SEC61A1: variants seen among roughly 807,000 people sequenced by gnomAD.
SEC61A1 encodes the protein SEC61 translocon subunit alpha 1, also known as protein transport protein Sec61 subunit alpha isoform 1.
SEC61A1 carries 15 observed loss-of-function variants against 55.2 expected under a neutral mutation model. The observed-to-expected ratio is 0.27, with a 90% CI of 0.18 to 0.42. SEC61A1 has a LOEUF of 0.42. SEC61A1 is among the 10% of genes least tolerant of loss of function. The probability of loss-of-function intolerance (pLI) is 1.00; values close to 1 mark genes in which losing one functional copy is unlikely to be tolerated. For synonymous variants in SEC61A1, 247 were observed against 234.0 expected, an observed-to-expected ratio of 1.06 and a Z score of -0.51; for missense variants, 284 against 602.6, an observed-to-expected ratio of 0.47 and a Z score of 5.53.
At chr3:128,056,118 C>A (rs1212540569) in intron 4 of SEC61A1, among the ~76,000 whole-genome samples, 1 of 152,178 alleles carries the variant, frequency 6.6e-6, no homozygotes, top group Admixed American at 6.5e-5. Context: ...TTTTTCATAT[C>A]TATAGGTTAC....
At chr3:128,068,223 T>G (rs1176403021) in intron 11 of SEC61A1, among the ~76,000 whole-genome samples, 164 bp downstream of exon 11, 1 of 152,252 alleles carries the variant, frequency 6.6e-6, no homozygotes, top group Non-Finnish European at 1.5e-5. Context: ...TGCTAAGTGC[T>G]GGACACTGGA....
chr3:128,067,841 C>A lies in SEC61A1; in HGVS notation c.1168-142C>A. ...TGTAAAGTTAGACTTTTTCATATGACTTCCTTGCGGCAGTTTTAAAGTTCT... is the reference window on the plus strand; with the variant it reads ...TGTAAAGTTAGACTTTTTCATATGAATTCCTTGCGGCAGTTTTAAAGTTCT... On this transcript the variant is annotated intron_variant, in intron 10 of 11. Transcript: ENST00000243253. This position sits in a 1 kb window ranked among gnomAD's most constrained non-coding sequence, Gnocchi z 4.1. The A allele has an allele frequency of 1.3e-6, 1 of 751,808 alleles. No homozygotes were observed. 46.6% of individuals were successfully genotyped at this position (751,808 alleles called of 1,614,324 possible).
intron 6 of SEC61A1, 127 bp downstream of exon 6, chr3:128,060,338 G>C: frequency 9.6e-7 from 1 of 1,039,290 alleles, no homozygotes; most frequent in Non-Finnish European, 1.5e-6. Context: ...AAGACTCTGG[G>C]TTAGCCCTCT....
chr3:128,067,496 T>C lies in SEC61A1; in HGVS notation c.1051T>C (p.Phe351Leu), dbSNP rs774148582. The change falls in exon 10 of 12, where the codon TTT becomes CTT. Residue 351 changes from phenylalanine to leucine, a missense_variant. Transcript: ENST00000243253. This position sits in a 1 kb window ranked among gnomAD's most constrained non-coding sequence, Gnocchi z 4.1. ...CTATTACCTGTCCCCTCCAGAATCT[T>C]TTGGCTCCGTGTTAGAAGACCCGGT... ...LCYYLSPPES[F>L]GSVLEDPVHA... 6.2e-7 allele frequency: 1 copy of C among 1,614,200 alleles called. No individual in the cohort carries two copies. Among genetic ancestry groups the C allele is most frequent in the Admixed American group, 1.7e-5 (1 of 60,020 alleles).
upstream of SEC61A1, chr3:128,052,384 G>A (rs1248785580): frequency 1.7e-6 from 2 of 1,152,856 alleles, no homozygotes; most frequent in East Asian, 3.8e-5. Flanking sequence ...TCCGAGGCCC[G>A]GCCCCGGCCC....
chr3:128,052,967 G>A (rs1559793642), intron 2 of SEC61A1, 65 bp downstream of exon 2: 5 of 1,317,606 alleles, frequency 3.8e-6, no homozygotes, highest in Non-Finnish European at 5.4e-6. Context: ...GAAGTTTACA[G>A]TATGATTAAA....
chr3:128,067,059 T>G lies in SEC61A1; in HGVS notation c.883T>G (p.Ser295Ala). ...GTCCAACATCCCCATCATCCTGCAG[T>G]CTGCCCTGGTGTCCAACCTTTATGT... Reference protein sequence around the residue: ...YTSNIPIILQSALVSNLYVIS... With the variant: ...YTSNIPIILQAALVSNLYVIS... The change falls in exon 9 of 12, where the codon TCT (serine) becomes GCT (alanine). Residue 295 changes from serine to alanine, a missense_variant. By Grantham distance (99) the Ser-to-Ala change is moderately conservative (BLOSUM62 1). Transcript: ENST00000243253. This position sits in a 1 kb window ranked among gnomAD's most constrained non-coding sequence, Gnocchi z 4.1. 6.2e-7 allele frequency: 1 copy of G among 1,614,218 alleles called. No individual in the cohort carries two copies. Among genetic ancestry groups the G allele is most frequent in the Non-Finnish European group, 8.5e-7 (1 of 1,180,024 alleles).
intron 5 of SEC61A1, among the ~76,000 whole-genome samples, chr3:128,059,339 G>C (rs1358396611): frequency 6.6e-6 from 1 of 152,100 alleles, no homozygotes; most frequent in African/African-American, 2.4e-5. Flanking sequence ...TGGCTGTGGT[G>C]GCACGTGCCT....
chr3:128,052,688 C>G (rs1941707084), intron 1 of SEC61A1, 129 bp downstream of exon 1: 1 of 1,521,988 alleles, frequency 6.6e-7, no homozygotes, highest in Non-Finnish European at 8.9e-7. Flanking sequence ...TGCCCCCGGC[C>G]CTTCTCGAGT....
At chr3:128,054,927 G>A (rs1941750323) in intron 2 of SEC61A1, among the ~76,000 whole-genome samples, 2 of 152,198 alleles carry the variant, frequency 1.3e-5, no homozygotes, top group South Asian at 4.1e-4. Flanking sequence ...CTGAGAAGAT[G>A]TGAAAATCCT....
intron 7 of SEC61A1, among the ~76,000 whole-genome samples, chr3:128,064,478 CAAAAATA>C (rs1005165412): frequency 8.6e-5 from 13 of 151,842 alleles, no homozygotes; most frequent in South Asian, 2.1e-4. Flanking sequence ...CCCAACTGTA[CAAAAATA>C]AAAAATAAAA....
upstream of SEC61A1, chr3:128,051,803 G>T (rs932580139): frequency 3.3e-6 from 5 of 1,533,832 alleles, no homozygotes; most frequent in African/African-American, 6.9e-5. Context: ...GCCCTTCTCC[G>T]GCCAAGTCTC....
Position 128,067,489 on chromosome 3 carries a change from A to G in SEC61A1, c.1044A>G (p.Pro348=). ...GCCTTTGCTATTACCTGTCCCCTCC[A>G]GAATCTTTTGGCTCCGTGTTAGAAG... The part of the protein sequence containing the change: ...VGGLCYYLSP[P]ESFGSVLEDP... Residue 348 remains proline, a synonymous_variant, in exon 10 of 12, where the codon CCA becomes CCG. Transcript: ENST00000243253. The surrounding 1 kb of genome is among the most constrained non-coding windows in gnomAD (Gnocchi z 4.1). 6.2e-7 allele frequency: 1 copy of G among 1,614,160 alleles called. No individual in the cohort carries two copies. The highest frequency in any genetic ancestry group is 8.5e-7 in the Non-Finnish European group (1 of 1,180,018).
At chr3:128,057,399 G>GT (rs1246757357) in intron 5 of SEC61A1, among the ~76,000 whole-genome samples, 1 of 152,212 alleles carries the variant, frequency 6.6e-6, no homozygotes, top group Non-Finnish European at 1.5e-5. Context: ...CTGAGGCCAT[G>GT]TAATGGAGGA....
At chr3:128,056,204 A>G (rs924979494) in intron 4 of SEC61A1, among the ~76,000 whole-genome samples, 1 of 152,170 alleles carries the variant, frequency 6.6e-6, no homozygotes, top group East Asian at 1.9e-4. Context: ...AGGATTCTGA[A>G]TGTGTAGGTT....
upstream of SEC61A1, chr3:128,051,988 T>C (rs1237114534): frequency 1.7e-5 from 18 of 1,075,728 alleles, no homozygotes; most frequent in Admixed American, 3.6e-4. Context: ...CGGTAGACGC[T>C]GGGATAAGGT....
intron 11 of SEC61A1, among the ~76,000 whole-genome samples, chr3:128,069,128 T>G (rs960929371): frequency 6.6e-6 from 1 of 152,216 alleles, no homozygotes; most frequent in Non-Finnish European, 1.5e-5. Flanking sequence ...GAAATTAAAT[T>G]TAATATATTT....
intron 7 of SEC61A1, among the ~76,000 whole-genome samples, chr3:128,063,927 G>T (rs566524109): frequency 3.3e-5 from 5 of 152,302 alleles, no homozygotes; most frequent in African/African-American, 1.2e-4. Flanking sequence ...TTACTCTGTT[G>T]TCTGGTTCTT....
In SEC61A1 at chr3:128,067,917, C is replaced by A. The variant is rs1942033862; in HGVS notation, c.1168-66C>A. ...AGAGGCGATCTGTAACTGTTCAGTA[C>A]CACTTGGAATGCCTATTTCCCCTTC... On this transcript the variant is annotated intron_variant, in intron 10 of 11. Transcript: ENST00000243253. The surrounding 1 kb of genome is among the most constrained non-coding windows in gnomAD (Gnocchi z 4.1). The A allele has an allele frequency of 1.3e-5, 16 of 1,259,376 alleles. No individual in the cohort carries two copies. Among genetic ancestry groups the A allele is most frequent in the Non-Finnish European group, 1.9e-5 (16 of 857,188 alleles). 78.0% of individuals were successfully genotyped at this position (1,259,376 alleles called of 1,614,324 possible). A position where few individuals can be genotyped will look rare whatever the true frequency, so the allele number is the denominator to read the frequency against.
Sources: allele counts gnomAD v4.1 joint callset (sites outside exome capture counted in the v4.1 genomes callset), GRCh38; gene constraint gnomAD v4.1.1; non-coding constraint Gnocchi (gnomAD v3.1); transcripts MANE v1.5; gene names NCBI Gene and HGNC (gene_info 2026-07-23, HGNC 2026-07-21).